Variants in ARHGAP4 observed in about 807,000 individuals in gnomAD.
The protein encoded by ARHGAP4 is Rho GTPase activating protein 4.
In ARHGAP4, 25 loss-of-function variants were observed where a neutral mutation model predicts 67.6. The ratio of observed to expected loss-of-function variants is 0.37; its 90% CI spans 0.27 to 0.52. ARHGAP4 has a LOEUF of 0.52. ARHGAP4 is among the 20% of genes least tolerant of loss of function. The pLI is 0.92. For synonymous variants in ARHGAP4, 448 were observed against 373.7 expected (o/e 1.20, Z -2.29); for missense variants, 804 against 854.6 (o/e 0.94, Z 0.74).
rs781888605 is a variant in ARHGAP4 at position 153,919,023 on chromosome X, C to A, written c.841G>T (p.Gly281Trp). 8.3e-7 allele frequency: 1 copy of A among 1,211,511 alleles called. No individual in the cohort carries two copies. The highest frequency in any genetic ancestry group is 3.0e-5 in the East Asian group (1 of 33,810). ...CCDTGFHLAL[G>W]QVLRSYTAAE... ...GCCGTGTAGCTCCGGAGCACCTGCC[C>A]CAGGGCCAGGTGGAACCCTGTGTCA... The change falls in exon 7 of 22, where the codon GGG becomes TGG. Residue 281 changes from glycine to tryptophan, a missense_variant. By Grantham distance (184) the Gly-to-Trp change is radical (BLOSUM62 -2). Transcript: ENST00000350060.
chrX:153,917,218 AAAAT>A (rs782195032), intron 7 of ARHGAP4, among the ~76,000 whole-genome samples: 41 of 110,182 alleles, frequency 3.7e-4, no homozygotes, highest in African/African-American at 1.0e-3. Context: ...TCTGTCTCAA[AAAAT>A]AAATAAATAA....
At chrX:153,919,720 TA>T in intron 5 of ARHGAP4, 1 of 1,103,494 alleles carries the variant, frequency 9.1e-7, no homozygotes, top group Non-Finnish European at 1.2e-6. Flanking sequence ...AGGGTAGGGA[TA>T]GATCATCAAG....
rs782094802 is a variant in ARHGAP4 at position 153,922,410 on chromosome X, G to A, written c.68-601C>T. 42 of 752,509 alleles carry A rather than the reference G, an allele frequency of 5.6e-5. No homozygotes were observed. The African/African-American group carries it at 9.0e-4, about 16-fold the overall frequency. 62.0% of individuals were successfully genotyped at this position (752,509 alleles called of 1,213,427 possible). ...ATCCGGCCTTGTAAGTGAAAGAATGGGGCAGGGAGCTAGCCCCCGTCTTCT... is the reference window on the plus strand; with the variant it reads ...ATCCGGCCTTGTAAGTGAAAGAATGAGGCAGGGAGCTAGCCCCCGTCTTCT... On this transcript the variant is annotated intron_variant, in intron 1 of 21. Coordinates refer to ENST00000350060, the MANE Select transcript of ARHGAP4 (RefSeq NM_001666.5).
chrX:153,909,358 C>T, intron 20 of ARHGAP4, 85 bp downstream of exon 20: 1 of 895,188 alleles, frequency 1.1e-6, no homozygotes. Context: ...ACTCCTCCCA[C>T]TCCCACTGGC....
In ARHGAP4 at chrX:153,911,187, G is replaced by A; in HGVS notation, c.1545C>T (p.Ser515=). The A allele has an allele frequency of 1.7e-6, 2 of 1,165,171 alleles. No individual in the cohort carries two copies. Among genetic ancestry groups the A allele is most frequent in the Non-Finnish European group, 2.3e-6 (2 of 870,659 alleles). ...FGGDMEKFIQ[S]SGQPVPLVVE... ...CCACCAGGGGCACAGGCTGGCCTGA[G>A]CTCTGGGGACAGAGGGTGTTTACTT... Residue 515 remains serine (S), a splice_region_variant and synonymous_variant, in exon 13 of 22, where the codon AGC becomes AGT. Transcript: ENST00000350060.
rs149449709 is a variant in ARHGAP4 at position 153,909,305 on chromosome X, C to G, written c.2508-136G>C. The G allele has an allele frequency of 2.3e-3, 2,024 of 868,424 alleles. 26 individuals carry two copies. In the African/African-American group the frequency reaches 0.037, roughly 16 times the overall value. 71.6% of individuals were successfully genotyped at this position (868,424 alleles called of 1,213,427 possible). The stretch of plus-strand genomic sequence containing the variant: ...GTCCCCAAGCTCCTCTAGAGCCTCT[C>G]CCTGTCACAAGCTGGGTCATTCTGT... On this transcript the variant is annotated intron_variant, in intron 20 of 21. Coordinates refer to ENST00000350060, the MANE Select transcript of ARHGAP4 (RefSeq NM_001666.5).
intron 15 of ARHGAP4, 35 bp from the exon 16 acceptor site, chrX:153,910,646 G>A (rs1603284583): frequency 8.4e-7 from 1 of 1,186,006 alleles, no homozygotes; most frequent in East Asian, 3.1e-5. Context: ...AGCCGCGTGA[G>A]CGGGGCTGCC....
intron 1 of ARHGAP4, 142 bp downstream of exon 1, chrX:153,925,994 C>T (rs2065125498): frequency 3.5e-6 from 3 of 862,939 alleles, no homozygotes; most frequent in African/African-American, 2.1e-5. Context: ...AGGCAAGGGG[C>T]TCAGGCTCCC....
At chrX:153,909,972 G>A (rs782366677) in intron 18 of ARHGAP4, 40 bp downstream of exon 18, 4 of 1,210,059 alleles carry the variant, frequency 3.3e-6, no homozygotes, top group South Asian at 1.8e-5. Flanking sequence ...GTGGACACTA[G>A]GGTGGGGACA....
chrX:153,918,075 A>T (rs1235416519), intron 7 of ARHGAP4, among the ~76,000 whole-genome samples: 1 of 112,978 alleles, frequency 8.9e-6, no homozygotes. Context: ...CCAGAAGAAA[A>T]GGAAAAATTG....
At chrX:153,912,963 G>A (rs1443894438) in intron 11 of ARHGAP4, 61 bp downstream of exon 11, 2 of 1,166,450 alleles carry the variant, frequency 1.7e-6, no homozygotes, top group Non-Finnish European at 2.3e-6. Flanking sequence ...GCTGAGCTGG[G>A]CCCCAGGAAG....
At chrX:153,920,547 G>C in intron 5 of ARHGAP4, 79 bp downstream of exon 5, 1 of 1,051,627 alleles carries the variant, frequency 9.5e-7, no homozygotes, top group Non-Finnish European at 1.3e-6. Flanking sequence ...ACCCAGCCCT[G>C]ACTTCCCCCT....
chrX:153,907,752 C>G lies in ARHGAP4; in HGVS notation c.2818G>C (p.Asp940His). The G allele has an allele frequency of 9.9e-7, 1 of 1,012,491 alleles. No individual in the cohort carries two copies. The highest frequency in any genetic ancestry group is 1.3e-6 in the Non-Finnish European group (1 of 788,320). The allele number at this position is 1,012,491 out of a possible 1,213,427, so 83.4% of individuals were successfully genotyped here. The change falls in exon 22 of 22, where the codon GAC becomes CAC. Residue 940 changes from aspartate (D) to histidine (H), a missense_variant. By Grantham distance (81) the Asp-to-His change is moderately conservative. Transcript: ENST00000350060. ...SPSASHPQGL[D>H]TTPKPH ...CCTCAGTGTGGCTTGGGGGTCGTGTCTAGGCCCTGGGGGTGGGAAGCTGAG... is the reference window on the plus strand; with the variant it reads ...CCTCAGTGTGGCTTGGGGGTCGTGTGTAGGCCCTGGGGGTGGGAAGCTGAG...
rs782129490 is a variant in ARHGAP4, at chrX:153,918,392, C to G, written c.1032+440G>C. Among the ~76,000 whole-genome samples, 23 of 111,818 alleles carry G rather than the reference C, an allele frequency of 2.1e-4. 1 individual carries two copies. Among genetic ancestry groups the G allele is most frequent in the African/African-American group, 2.6e-4 (8 of 30,721 alleles). On this transcript the variant is annotated intron_variant, in intron 7 of 21. Transcript: ENST00000350060. Reference sequence around the variant, plus strand: ...ACGCCATCGGAAGCCCTGGTGATGCCGGACTCTTCGTAAAGTTCCAAGTCG... The same window carrying G: ...ACGCCATCGGAAGCCCTGGTGATGCGGGACTCTTCGTAAAGTTCCAAGTCG...
At chrX:153,925,548 C>T (rs1386484656) in intron 1 of ARHGAP4, among the ~76,000 whole-genome samples, 1 of 112,787 alleles carries the variant, frequency 8.9e-6, no homozygotes, top group Non-Finnish European at 1.9e-5. Context: ...TTTATCAGAA[C>T]CCAGAGGTTC....
chrX:153,919,134 A>G, intron 6 of ARHGAP4, 21 bp downstream of exon 6: 1 of 1,211,600 alleles, frequency 8.3e-7, no homozygotes, highest in Non-Finnish European at 1.1e-6. Flanking sequence ...ACCTTTTCCC[A>G]CCTGCCCACC....
intron 21 of ARHGAP4, among the ~76,000 whole-genome samples, chrX:153,908,440 G>A (rs1422168424): frequency 1.1e-4 from 12 of 112,060 alleles, no homozygotes; most frequent in Non-Finnish European, 2.3e-4. Flanking sequence ...TCTCCTCCTT[G>A]GGCTTAGCAA....
chrX:153,920,504 T>A (rs913634042), intron 5 of ARHGAP4, 122 bp downstream of exon 5: 6 of 799,197 alleles, frequency 7.5e-6, no homozygotes, highest in Admixed American at 3.9e-5. Flanking sequence ...TGGAACCTGA[T>A]GGCACTGTCC....
chrX:153,912,087 T>C (rs1388123631), intron 12 of ARHGAP4, among the ~76,000 whole-genome samples: 1 of 110,746 alleles, frequency 9.0e-6, no homozygotes, highest in African/African-American at 3.3e-5. Context: ...TCTTTTCTTT[T>C]CTTTCTCTCT....
Sources: allele counts gnomAD v4.1 joint callset (sites outside exome capture counted in the v4.1 genomes callset), GRCh38; gene constraint gnomAD v4.1.1; transcripts MANE v1.5; gene names NCBI Gene and HGNC (gene_info 2026-07-23, HGNC 2026-07-21).